Variants in GBE1 observed in about 807,000 individuals in gnomAD.
The protein encoded by GBE1 is 1,4-alpha-glucan branching enzyme 1.
GBE1 carries 70 observed loss-of-function variants against 88.8 expected under a neutral mutation model. The observed-to-expected ratio is 0.79, with a 90% confidence interval of 0.65 to 0.96. The LOEUF is 0.96. GBE1 is among the 40% of genes least tolerant of loss of function. The pLI, the probability that GBE1 is intolerant of heterozygous loss-of-function variation, is 0.00. For synonymous variants in GBE1, 284 were observed against 300.1 expected (o/e 0.95, Z 0.56); for missense variants, 872 against 871.0 (o/e 1.00, Z -0.01).
chr3:81,501,152 T>C (rs182207376), intron 14 of GBE1, among the ~76,000 whole-genome samples: 1 of 152,318 alleles, frequency 6.6e-6, no homozygotes, highest in East Asian at 1.9e-4. Context: ...AAACATTTAA[T>C]GTGCCTTTTA....
chr3:81,578,057 C>A lies in GBE1; in HGVS notation c.1486G>T (p.Asp496Tyr). Residue 496 changes from aspartate to tyrosine, a missense_variant, in exon 12 of 16, where the codon GAT becomes TAT. Physicochemically the swap from Asp to Tyr is radical, Grantham distance 160. Transcript: ENST00000429644. ...CTCATGTTTGTATACATTTCGGCAT[C>A]CATCAACCAAAATGCCAGCGACTTA... ...GDKSLAFWLM[D>Y]AEMYTNMSVL... 1 of 1,607,648 alleles carries A rather than the reference C, an allele frequency of 6.2e-7. No individual in the cohort carries two copies. The highest frequency in any genetic ancestry group is 1.1e-5 in the South Asian group (1 of 89,854).
chr3:81,576,872 A>C (rs1181553658), intron 12 of GBE1, among the ~76,000 whole-genome samples: 1 of 152,144 alleles, frequency 6.6e-6, no homozygotes, highest in Non-Finnish European at 1.5e-5. Flanking sequence ...TTAGTAAAAA[A>C]TAAAGGCTTT....
At chr3:81,718,497 G>A (rs1705974658) in intron 1 of GBE1, among the ~76,000 whole-genome samples, 1 of 152,120 alleles carries the variant, frequency 6.6e-6, no homozygotes, top group Non-Finnish European at 1.5e-5. Flanking sequence ...TGAGAAAACT[G>A]AAGAGGTTAA....
intron 7 of GBE1, among the ~76,000 whole-genome samples, chr3:81,620,730 A>C (rs1490009366): frequency 1.3e-5 from 2 of 152,200 alleles, no homozygotes; most frequent in Admixed American, 1.3e-4. Context: ...ATACTTAAAC[A>C]GTATTTAAAT....
At chr3:81,695,977 T>G (rs933294443) in intron 2 of GBE1, among the ~76,000 whole-genome samples, 1 of 152,232 alleles carries the variant, frequency 6.6e-6, no homozygotes, top group Non-Finnish European at 1.5e-5. Context: ...AATACTTTCA[T>G]AGTTTTACAT....
intron 1 of GBE1, among the ~76,000 whole-genome samples, chr3:81,721,224 T>G (rs11712470): frequency 1.3e-5 from 1 of 77,950 alleles, no homozygotes; most frequent in Non-Finnish European, 2.4e-5. Flanking sequence ...AATAAATAAA[T>G]AAATAAATAA....
intron 1 of GBE1, among the ~76,000 whole-genome samples, chr3:81,737,357 AT>A (rs1559703686): frequency 2.2e-5 from 1 of 45,044 alleles, no homozygotes; most frequent in Admixed American, 2.1e-4. Flanking sequence ...ATAAATATAT[AT>A]TTATATATTT....
intron 1 of GBE1, among the ~76,000 whole-genome samples, chr3:81,742,167 C>T (rs1268853473): frequency 6.6e-6 from 1 of 151,886 alleles, no homozygotes; most frequent in Non-Finnish European, 1.5e-5. Flanking sequence ...TCCTCTCAAG[C>T]CAAAAATTAT....
At chr3:81,680,767 G>C (rs1705329193) in intron 2 of GBE1, among the ~76,000 whole-genome samples, 1 of 152,180 alleles carries the variant, frequency 6.6e-6, no homozygotes, top group Non-Finnish European at 1.5e-5. Flanking sequence ...TCATGAATGG[G>C]ATTAGTACCT....
chr3:81,761,621 C>T lies in GBE1; in HGVS notation c.-104G>A, dbSNP rs1706693342. The stretch of plus-strand genomic sequence containing the variant: ...CGGCGGCTAGGGCGGAGCCGGAGGG[C>T]GCCTAGGCGTGTCGAGGCAAGCCGA... On this transcript the variant is annotated 5_prime_UTR_variant, in exon 1 of 16. Transcript: ENST00000429644. The T allele has an allele frequency of 7.1e-7, 1 of 1,412,438 alleles. No homozygotes were observed. The highest frequency in any genetic ancestry group is 1.3e-5 in the South Asian group (1 of 74,682). The allele number at this position is 1,412,438 out of a possible 1,614,324, so 87.5% of individuals were successfully genotyped here.
intron 10 of GBE1, among the ~76,000 whole-genome samples, chr3:81,581,746 G>A (rs1368152854): frequency 6.6e-6 from 1 of 151,980 alleles, no homozygotes; most frequent in African/African-American, 2.4e-5. Context: ...AAAATTTAAA[G>A]TTAATTATCA....
chr3:81,706,637 G>A (rs1705778940), intron 1 of GBE1, among the ~76,000 whole-genome samples: 1 of 152,024 alleles, frequency 6.6e-6, no homozygotes, highest in Non-Finnish European at 1.5e-5. Flanking sequence ...GATGTCCAGG[G>A]AATATACAAA....
chr3:81,755,772 T>C (rs1191236924), intron 1 of GBE1, among the ~76,000 whole-genome samples: 1 of 151,966 alleles, frequency 6.6e-6, no homozygotes, highest in African/African-American at 2.4e-5. Flanking sequence ...TAAAAAAGTG[T>C]TTCTCAGGAA....
intron 2 of GBE1, among the ~76,000 whole-genome samples, chr3:81,694,312 C>G (rs1705562477): frequency 6.6e-6 from 1 of 152,094 alleles, no homozygotes; most frequent in Non-Finnish European, 1.5e-5. Flanking sequence ...TGTTTTCTTC[C>G]TCTTTGAACA....
intron 11 of GBE1, among the ~76,000 whole-genome samples, chr3:81,578,713 G>A (rs28478451): frequency 0.065 from 9,857 of 151,824 alleles, 536 homozygotes; most frequent in African/African-American, 0.14. Flanking sequence ...ACTGAGGCAG[G>A]TAACTCAGAA....
At chr3:81,539,976 G>GA (rs750480467) in intron 12 of GBE1, among the ~76,000 whole-genome samples, 3 of 151,792 alleles carry the variant, frequency 2.0e-5, no homozygotes, top group Non-Finnish European at 4.4e-5. Context: ...AGCCACCAGA[G>GA]AAAAAACGCC....
At chr3:81,734,778 G>A (rs1426886910) in intron 1 of GBE1, among the ~76,000 whole-genome samples, 5 of 152,134 alleles carry the variant, frequency 3.3e-5, no homozygotes, top group African/African-American at 4.8e-5. Flanking sequence ...AAAAGATGCC[G>A]TATCAGTTGT....
At chr3:81,608,747 G>A (rs768961470) in intron 7 of GBE1, among the ~76,000 whole-genome samples, 3 of 152,176 alleles carry the variant, frequency 2.0e-5, no homozygotes, top group Non-Finnish European at 2.9e-5. Context: ...TCCATAATGT[G>A]TCCAGTGCTT....
intron 12 of GBE1, among the ~76,000 whole-genome samples, chr3:81,551,719 C>A (rs994278953): frequency 6.6e-6 from 1 of 152,148 alleles, no homozygotes; most frequent in Admixed American, 6.5e-5. Flanking sequence ...CTGCTCTGAC[C>A]AAGCTGGACA....
Sources: allele counts gnomAD v4.1 joint callset (sites outside exome capture counted in the v4.1 genomes callset), GRCh38; gene constraint gnomAD v4.1.1; transcripts MANE v1.5; gene names NCBI Gene and HGNC (gene_info 2026-07-23, HGNC 2026-07-21).